Variants in AMPH observed in about 807,000 individuals in gnomAD.
AMPH encodes the protein amphiphysin, also known as amphiphysin (Stiff-Mann syndrome with breast cancer 128kD autoantigen).
AMPH carries 49 observed loss-of-function variants against 99.1 expected under a neutral mutation model. The ratio of observed to expected loss-of-function variants is 0.49; its 90% confidence interval spans 0.39 to 0.63. The LOEUF is 0.63. Ranked by LOEUF, AMPH falls within the 20% of genes least tolerant of loss-of-function variation. The pLI is 0.00. For missense variants in AMPH, 759 were observed against 863.4 expected, an observed-to-expected ratio of 0.88 and a Z score of 1.52; for synonymous variants, 314 against 317.3, an observed-to-expected ratio of 0.99 and a Z score of 0.11.
chr7:38,560,915 T>C (rs908928318), intron 1 of AMPH, among the ~76,000 whole-genome samples: 2 of 152,216 alleles, frequency 1.3e-5, no homozygotes, highest in East Asian at 1.9e-4. Context: ...ACCTCTGCCA[T>C]TGGCTAAATG....
intron 17 of AMPH, among the ~76,000 whole-genome samples, chr7:38,407,699 C>CAT (rs921727577): frequency 6.6e-6 from 1 of 151,980 alleles, no homozygotes; most frequent in Middle Eastern, 3.4e-3. Context: ...AGAATAAAGA[C>CAT]ATATATATTT....
chr7:38,602,757 T>C (rs879845311), intron 1 of AMPH, among the ~76,000 whole-genome samples: 1 of 152,074 alleles, frequency 6.6e-6, no homozygotes, highest in Non-Finnish European at 1.5e-5. Flanking sequence ...CCTACCACAG[T>C]TTTCAATACC....
chr7:38,455,081 C>CTTT (rs558916967), intron 11 of AMPH, among the ~76,000 whole-genome samples: 17 of 146,124 alleles, frequency 1.2e-4, no homozygotes, highest in Non-Finnish European at 1.1e-4. Flanking sequence ...TATTAAAATT[C>CTTT]TTTTTTTTTT....
chr7:38,507,766 T>C (rs773618820), intron 2 of AMPH, among the ~76,000 whole-genome samples: 10 of 152,258 alleles, frequency 6.6e-5, no homozygotes, highest in Admixed American at 1.3e-4. Context: ...TATATCATTT[T>C]CTACAAGACA....
At chr7:38,467,199 G>T (rs764169479) in intron 7 of AMPH, among the ~76,000 whole-genome samples, 2 of 152,170 alleles carry the variant, frequency 1.3e-5, no homozygotes, top group Non-Finnish European at 2.9e-5. Context: ...GGTTCTCTGG[G>T]GCAGAGGTCC....
chr7:38,524,289 A>C (rs1790080581), intron 2 of AMPH, among the ~76,000 whole-genome samples: 1 of 152,230 alleles, frequency 6.6e-6, no homozygotes, highest in East Asian at 1.9e-4. Context: ...CTCTTCCAAC[A>C]GAGTTAGTTT....
chr7:38,610,268 G>A (rs1050307530), intron 1 of AMPH, among the ~76,000 whole-genome samples: 273 of 7,718 alleles, frequency 0.035, no homozygotes, highest in Non-Finnish European at 0.039. Flanking sequence ...AAAAAAGAAA[G>A]AAAGAAAGAA....
intron 11 of AMPH, among the ~76,000 whole-genome samples, chr7:38,457,941 G>A (rs1282827878): frequency 1.3e-5 from 2 of 152,010 alleles, no homozygotes; most frequent in African/African-American, 2.4e-5. Context: ...ATGTGTGTGT[G>A]TATATATGTC....
chr7:38,532,450 C>G (rs1342853807), intron 2 of AMPH, among the ~76,000 whole-genome samples: 2 of 152,140 alleles, frequency 1.3e-5, no homozygotes, highest in Non-Finnish European at 2.9e-5. Context: ...GTTCAAATTT[C>G]CCCAAGTTTT....
chr7:38,431,429 G>A (rs969577619), intron 13 of AMPH, among the ~76,000 whole-genome samples: 12 of 152,036 alleles, frequency 7.9e-5, no homozygotes, highest in South Asian at 2.1e-4. Flanking sequence ...AGGCCGAGGC[G>A]GGCAGATCAC....
At chr7:38,570,454 A>G (rs531172921) in intron 1 of AMPH, among the ~76,000 whole-genome samples, 1 of 152,258 alleles carries the variant, frequency 6.6e-6, no homozygotes, top group South Asian at 2.1e-4. Context: ...TGGTACTCCC[A>G]TAAGATTGTA....
intron 1 of AMPH, among the ~76,000 whole-genome samples, chr7:38,610,550 G>A (rs1793648713): frequency 6.6e-6 from 1 of 151,570 alleles, no homozygotes; most frequent in Non-Finnish European, 1.5e-5. Flanking sequence ...AACCTACCAT[G>A]TTTTGAGAAC....
At chr7:38,548,026 AAT>A (rs1491524245) in intron 1 of AMPH, among the ~76,000 whole-genome samples, 33 of 103,802 alleles carry the variant, frequency 3.2e-4, no homozygotes, top group African/African-American at 4.4e-4. Flanking sequence ...CTTGTGGGCA[AAT>A]TTTTTTTTTT....
At chr7:38,587,380 T>C (rs887354551) in intron 1 of AMPH, among the ~76,000 whole-genome samples, 2 of 152,146 alleles carry the variant, frequency 1.3e-5, no homozygotes, top group Non-Finnish European at 2.9e-5. Flanking sequence ...GAAGAGGTGG[T>C]TCCAGGAGAA....
intron 1 of AMPH, among the ~76,000 whole-genome samples, chr7:38,624,828 A>G (rs1033766414): frequency 6.6e-6 from 1 of 152,192 alleles, no homozygotes; most frequent in Non-Finnish European, 1.5e-5. Flanking sequence ...AAAAATTATG[A>G]ACATACAAGG....
At chr7:38,556,705 T>C (rs1346362519) in intron 1 of AMPH, among the ~76,000 whole-genome samples, 1 of 152,228 alleles carries the variant, frequency 6.6e-6, no homozygotes, top group Non-Finnish European at 1.5e-5. Context: ...ACATTATTTA[T>C]GTAGTTGTTT....
chr7:38,413,458 A>C (rs1020859807), intron 17 of AMPH, among the ~76,000 whole-genome samples: 6 of 152,194 alleles, frequency 3.9e-5, no homozygotes, highest in Non-Finnish European at 5.9e-5. Context: ...CCAAGACTGC[A>C]CTGTCAACTA....
chr7:38,560,095 C>T (rs1987195), intron 1 of AMPH, among the ~76,000 whole-genome samples: 75,851 of 152,192 alleles, frequency 0.5, 20,094 homozygotes, highest in Non-Finnish European at 0.6. Context: ...TTCAGCTCCT[C>T]CCATGAAGAG....
intron 17 of AMPH, among the ~76,000 whole-genome samples, chr7:38,409,528 C>T (rs531542886): frequency 2.0e-5 from 3 of 152,294 alleles, no homozygotes; most frequent in Admixed American, 6.5e-5. Flanking sequence ...TCCCTAGTAG[C>T]GTTCCTTTCA....
Sources: allele counts gnomAD v4.1 joint callset (sites outside exome capture counted in the v4.1 genomes callset), GRCh38; gene constraint gnomAD v4.1.1; transcripts MANE v1.5; gene names NCBI Gene and HGNC (gene_info 2026-07-23, HGNC 2026-07-21).